CLSTN1: variants seen among roughly 807,000 people sequenced by gnomAD.
The protein encoded by CLSTN1 is calsyntenin-1.
CLSTN1 carries 28 observed loss-of-function variants against 108.3 expected under a neutral mutation model. The observed-to-expected ratio is 0.26, with a 90% CI of 0.19 to 0.35. The LOEUF (loss-of-function observed/expected upper bound fraction) is 0.35, where lower values mean the gene tolerates loss of function less well. Among genes scored for constraint, CLSTN1 ranks in the 10% least tolerant of loss-of-function variants. The pLI is 1.00. For missense variants in CLSTN1, 1,157 were observed against 1,302.6 expected, an observed-to-expected ratio of 0.89 and a Z score of 1.72; for synonymous variants, 524 against 534.9, an observed-to-expected ratio of 0.98 and a Z score of 0.28.
chr1:9,755,083 GT>G, intron 4 of CLSTN1, 30 bp downstream of exon 4: 1 of 1,587,942 alleles, frequency 6.3e-7, no homozygotes, highest in Non-Finnish European at 8.6e-7. Flanking sequence ...TACTCGGTGG[GT>G]TATGTTCACT....
intron 2 of CLSTN1, among the ~76,000 whole-genome samples, chr1:9,760,010 T>G (rs1047047331): frequency 1.4e-4 from 21 of 152,212 alleles, no homozygotes; most frequent in African/African-American, 5.1e-4. Context: ...TTAATGACAG[T>G]GACTGTGGTG....
In CLSTN1 at chr1:9,739,673, A is replaced by AT. The variant is rs574203774; in HGVS notation, c.1519+1420dup. ...AGCCTGGGCAACACAGTGAGACCCC[A>AT]TTTTTATAAAAAATTAAAATAATAA... On this transcript the variant is annotated intron_variant, in intron 10 of 18. Coordinates refer to ENST00000377298, the MANE Select transcript of CLSTN1 (RefSeq NM_001009566.3). Among the ~76,000 whole-genome samples the AT allele has an allele frequency of 7.2e-5, 11 of 152,232 alleles. No homozygotes were observed. In the East Asian group the frequency reaches 2.1e-3, roughly 29 times the overall value.
rs538421039 is a variant in CLSTN1, at chr1:9,773,854, TC to T, written c.92-461del. Among the ~76,000 whole-genome samples, 230 of 151,856 alleles carry T rather than the reference TC, an allele frequency of 1.5e-3. 2 individuals carry two copies. Among genetic ancestry groups the T allele is most frequent in the African/African-American group, 5.4e-3 (224 of 41,400 alleles). On this transcript the variant is annotated intron_variant, in intron 1 of 18. Coordinates refer to ENST00000377298, the MANE Select transcript of CLSTN1 (RefSeq NM_001009566.3). ...GTTCAGGTGATCCTCCCACTCAGCCTCCCAGGTAGCTGGGACTATGTGTGTG... is the reference window on the plus strand; with the variant it reads ...GTTCAGGTGATCCTCCCACTCAGCCTCCAGGTAGCTGGGACTATGTGTGTG...
At chr1:9,766,288 G>A (rs1375940734) in intron 2 of CLSTN1, among the ~76,000 whole-genome samples, 1 of 152,168 alleles carries the variant, frequency 6.6e-6, no homozygotes, top group Non-Finnish European at 1.5e-5. Context: ...AGAACAGAAT[G>A]CATCATCTTC....
intron 3 of CLSTN1, 137 bp downstream of exon 3, chr1:9,756,344 A>G (rs1651803346): frequency 1.4e-6 from 1 of 695,940 alleles, no homozygotes; most frequent in African/African-American, 1.8e-5. Context: ...ATATACTTTA[A>G]AATAGAAACA....
At chr1:9,731,985 G>A (rs1650426017) in intron 16 of CLSTN1, 89 bp from the exon 17 acceptor site, 1 of 1,526,696 alleles carries the variant, frequency 6.6e-7, no homozygotes, top group Admixed American at 1.7e-5. Context: ...GGCATGACCA[G>A]TGCCACTCAG....
intron 16 of CLSTN1, 151 bp downstream of exon 16, chr1:9,733,250 C>G (rs1328629271): frequency 3.4e-6 from 3 of 891,622 alleles, no homozygotes. Context: ...CTGCAGCAGG[C>G]CCCAGGCTGG....
intron 4 of CLSTN1, among the ~76,000 whole-genome samples, chr1:9,754,248 A>G (rs1226306223): frequency 2.0e-5 from 3 of 152,156 alleles, no homozygotes; most frequent in African/African-American, 7.2e-5. Flanking sequence ...GGTGTGATAA[A>G]ATTATTCACT....
chr1:9,740,873 G>A (rs898768484), intron 10 of CLSTN1, among the ~76,000 whole-genome samples: 27 of 152,160 alleles, frequency 1.8e-4, no homozygotes, highest in African/African-American at 6.3e-4. Context: ...TGACGGTGTG[G>A]TCAGTCCTAT....
chr1:9,808,638 G>A (rs189144869), intron 1 of CLSTN1, among the ~76,000 whole-genome samples: 174 of 152,252 alleles, frequency 1.1e-3, no homozygotes, highest in Middle Eastern at 3.4e-3. Context: ...ATTTCAGCAA[G>A]GGGCCAGTTC....
intron 1 of CLSTN1, among the ~76,000 whole-genome samples, chr1:9,784,909 G>A (rs895180021): frequency 5.9e-5 from 9 of 151,692 alleles, no homozygotes; most frequent in African/African-American, 2.2e-4. Context: ...AAAGCATTTG[G>A]AACAGGTAAA....
At chr1:9,762,417 C>T (rs150086037) in intron 2 of CLSTN1, among the ~76,000 whole-genome samples, 2,371 of 151,416 alleles carry the variant, frequency 0.016, 64 homozygotes, top group African/African-American at 0.055. Context: ...GCCGAGATCA[C>T]GCCACTGCAC....
intron 1 of CLSTN1, among the ~76,000 whole-genome samples, chr1:9,786,025 A>C (rs540096543): frequency 6.6e-6 from 1 of 152,078 alleles, no homozygotes; most frequent in Non-Finnish European, 1.5e-5. Flanking sequence ...AAAATAGGAA[A>C]AAATTAGCCA....
intron 5 of CLSTN1, among the ~76,000 whole-genome samples, chr1:9,750,438 CT>C (rs368194142): frequency 1.3e-5 from 2 of 151,298 alleles, no homozygotes; most frequent in Non-Finnish European, 2.9e-5. Context: ...ACTGTATTAT[CT>C]TTTTTTTTCT....
Position 9,731,443 on chromosome 1 carries a change from T to C in CLSTN1, c.2564-53A>G, listed in dbSNP as rs1374036602. On this transcript the variant is annotated intron_variant, in intron 17 of 18. Coordinates refer to ENST00000377298, the MANE Select transcript of CLSTN1 (RefSeq NM_001009566.3). ...GAGGTCACTCGGCCCAGAAGGCCAC[T>C]GTGCCCTTGACCTCCTCGGCTGTGC... The C allele has an allele frequency of 1.9e-6, 3 of 1,581,586 alleles. No individual in the cohort carries two copies. In the East Asian group the frequency reaches 6.8e-5, roughly 36 times the overall value.
At chr1:9,753,178 G>A in intron 4 of CLSTN1, among the ~76,000 whole-genome samples, 1 of 152,192 alleles carries the variant, frequency 6.6e-6, no homozygotes, top group East Asian at 1.9e-4. Flanking sequence ...GCACAACCTA[G>A]ATCCCTGGCA....
chr1:9,730,507 G>A lies in CLSTN1; in HGVS notation c.*1C>T. ...GAAACCGAGGTGGCCGGGGGCACGG[G>A]TCAGTAGCTGAGGGTGGAGTCATCC... On this transcript the variant is annotated 3_prime_UTR_variant, in exon 19 of 19. Transcript: ENST00000377298. The surrounding 1 kb of genome is among the most constrained non-coding windows in gnomAD (Gnocchi z 5.6). The A allele has an allele frequency of 6.2e-7, 1 of 1,602,560 alleles. No homozygotes were observed.
chr1:9,802,494 G>GTT (rs1277662530), intron 1 of CLSTN1, among the ~76,000 whole-genome samples: 1 of 152,182 alleles, frequency 6.6e-6, no homozygotes, highest in African/African-American at 2.4e-5. Flanking sequence ...TTAACAGGAT[G>GTT]TACTATCCAT....
At chr1:9,764,759 C>T (rs897679829) in intron 2 of CLSTN1, among the ~76,000 whole-genome samples, 4 of 151,298 alleles carry the variant, frequency 2.6e-5, no homozygotes, top group Non-Finnish European at 5.9e-5. Flanking sequence ...TGGGGCTGAA[C>T]TACAAGTTTC....
Sources: gnomAD v4.1 joint callset for allele counts (sites outside exome capture counted in the v4.1 genomes callset) on GRCh38, gnomAD v4.1.1 for gene constraint, Gnocchi (gnomAD v3.1) non-coding constraint, MANE v1.5 for transcripts, NCBI Gene and HGNC (gene_info 2026-07-23, HGNC 2026-07-21) for gene names.